The following VPS26C variants were observed in gnomAD, a reference collection of about 807,000 sequenced individuals.
The protein encoded by VPS26C is vacuolar protein sorting-associated protein 26C.
Under a neutral mutation model 30.6 loss-of-function variants are expected in VPS26C, and 19 were observed. That is an observed-to-expected ratio of 0.62 (90% confidence interval 0.43 to 0.91). VPS26C has a LOEUF of 0.91. Among genes scored for constraint, VPS26C ranks in the 40% least tolerant of loss-of-function variants. VPS26C has a pLI of 0.00. For missense variants in VPS26C, 318 were observed against 385.1 expected (o/e 0.83, Z 1.46); for synonymous variants, 132 against 151.5 (o/e 0.87, Z 0.95).
At chr21:37,250,530 A>G (rs563883832) in intron 1 of VPS26C, among the ~76,000 whole-genome samples, 19 of 152,320 alleles carry the variant, frequency 1.2e-4, no homozygotes, top group African/African-American at 4.3e-4. Flanking sequence ...TAAATGATAA[A>G]CTAGGTAAAA....
intron 3 of VPS26C, among the ~76,000 whole-genome samples, chr21:37,236,980 G>A (rs964322687): frequency 4.7e-4 from 71 of 152,214 alleles, no homozygotes; most frequent in Middle Eastern, 3.4e-3. Flanking sequence ...GAGATCTTGC[G>A]TTGTTGCCCA....
chr21:37,228,203 C>T lies in VPS26C; in HGVS notation c.658+20G>A, dbSNP rs1363778006. 6 of 1,606,646 alleles carry T rather than the reference C, an allele frequency of 3.7e-6. No individual in the cohort carries two copies. The Admixed American group carries it at 5.0e-5, about 13-fold the overall frequency. The stretch of plus-strand genomic sequence containing the variant: ...TCGAGGGGGACAGGCAAGCGCCAGG[C>T]CTGGTGGCACGGCCCTCACCGCACG... On this transcript the variant is annotated intron_variant, in intron 6 of 7. Coordinates refer to ENST00000309117, the MANE Select transcript of VPS26C (RefSeq NM_006052.2).
At chr21:37,234,293 A>C (rs1218480712) in intron 3 of VPS26C, among the ~76,000 whole-genome samples, 1 of 152,222 alleles carries the variant, frequency 6.6e-6, no homozygotes, top group Non-Finnish European at 1.5e-5. Flanking sequence ...GTTGGAAAAC[A>C]ATGTAGCATC....
At chr21:37,266,552 A>T (rs548161798) in intron 1 of VPS26C, among the ~76,000 whole-genome samples, 1 of 152,256 alleles carries the variant, frequency 6.6e-6, no homozygotes, top group East Asian at 1.9e-4. Context: ...AGTTAGAGGA[A>T]CCTTACAACA....
intron 1 of VPS26C, among the ~76,000 whole-genome samples, chr21:37,260,260 G>A (rs60116950): frequency 0.021 from 3,245 of 152,302 alleles, 114 homozygotes; most frequent in African/African-American, 0.074. Flanking sequence ...AGTCTACCTA[G>A]TTATAAAACA....
chr21:37,259,679 C>T (rs1265356471), intron 1 of VPS26C, among the ~76,000 whole-genome samples: 1 of 152,150 alleles, frequency 6.6e-6, no homozygotes, highest in Non-Finnish European at 1.5e-5. Flanking sequence ...GTTGCAGCAA[C>T]ACCAAAATCA....
chr21:37,250,951 G>GA (rs373177762), intron 1 of VPS26C, among the ~76,000 whole-genome samples: 73 of 127,542 alleles, frequency 5.7e-4, no homozygotes, highest in East Asian at 1.8e-3. Context: ...GAAGAAAAAT[G>GA]AAAAAAAAAA....
intron 1 of VPS26C, among the ~76,000 whole-genome samples, chr21:37,259,527 A>G (rs563536230): frequency 6.6e-6 from 1 of 152,368 alleles, no homozygotes; most frequent in South Asian, 2.1e-4. Flanking sequence ...CAAATGAATT[A>G]TATTTACACT....
chr21:37,268,044 G>GA (rs1231313783), upstream of VPS26C: 1 of 152,284 alleles, frequency 6.6e-6, no homozygotes, highest in Admixed American at 6.5e-5. Flanking sequence ...AAGGTCTCGG[G>GA]AAGCGCCGGG....
At chr21:37,234,926 T>A (rs2086004150) in intron 3 of VPS26C, among the ~76,000 whole-genome samples, 1 of 152,010 alleles carries the variant, frequency 6.6e-6, no homozygotes, top group Non-Finnish European at 1.5e-5. Flanking sequence ...CACTGCAACC[T>A]CCACCTCCTG....
At chr21:37,265,211 T>A (rs902282259) in intron 1 of VPS26C, among the ~76,000 whole-genome samples, 3 of 152,216 alleles carry the variant, frequency 2.0e-5, no homozygotes, top group African/African-American at 7.2e-5. Context: ...ATCGTGGTGA[T>A]GGGTGTGCAA....
chr21:37,264,295 T>G (rs748137610), intron 1 of VPS26C, among the ~76,000 whole-genome samples: 1 of 152,214 alleles, frequency 6.6e-6, no homozygotes, highest in Non-Finnish European at 1.5e-5. Flanking sequence ...GAAGCTGCCT[T>G]CAGCCATCAA....
chr21:37,247,572 A>T (rs2086149826), intron 1 of VPS26C, among the ~76,000 whole-genome samples: 2 of 152,142 alleles, frequency 1.3e-5, no homozygotes, highest in Admixed American at 1.3e-4. Flanking sequence ...ATTCCCCCCA[A>T]CCAAGCAGGA....
chr21:37,261,256 G>A (rs1286196981), intron 1 of VPS26C: 2 of 152,176 alleles, frequency 1.3e-5, no homozygotes, highest in East Asian at 1.9e-4. Flanking sequence ...TTCCTTCGCT[G>A]TGTAGAAGTT....
rs2085903703 is a variant in VPS26C at position 37,226,748 on chromosome 21, T to C, written c.811+906A>G. ...GCATTTGAGGTCACTCGCACGGAAT[T>C]GGAGGGGAACACACAGAGGTGCTGC... is the stretch of plus-strand genomic sequence containing the variant. On this transcript the variant is annotated intron_variant, in intron 7 of 7. Transcript: ENST00000309117. This position sits in a 1 kb window ranked among gnomAD's most constrained non-coding sequence, Gnocchi z 4.1. 6.6e-6 allele frequency: 1 copy of C among 152,154 alleles called. No individual in the cohort carries two copies. Among genetic ancestry groups the C allele is most frequent in the South Asian group, 2.1e-4 (1 of 4,832 alleles). The allele number at this position is 152,154 out of a possible 1,614,324, so 9.4% of individuals were successfully genotyped here. A position where few individuals can be genotyped will look rare whatever the true frequency, so the allele number is the denominator to read the frequency against.
intron 1 of VPS26C, among the ~76,000 whole-genome samples, chr21:37,266,594 AAGG>A (rs1259138552): frequency 1.3e-5 from 2 of 152,240 alleles, no homozygotes; most frequent in African/African-American, 2.4e-5. Flanking sequence ...ACTGAGGCCC[AAGG>A]AGGTTAAATG....
chr21:37,235,855 A>G (rs1221335019), intron 3 of VPS26C, among the ~76,000 whole-genome samples: 4 of 28,180 alleles, frequency 1.4e-4, no homozygotes, highest in African/African-American at 4.8e-4. Flanking sequence ...GTGTGTGTAT[A>G]TATATATATA....
intron 6 of VPS26C, 142 bp downstream of exon 6, chr21:37,228,081 C>T: frequency 7.8e-7 from 1 of 1,279,942 alleles, no homozygotes; most frequent in Non-Finnish European, 1.1e-6. Context: ...TCAAACCACC[C>T]TCCCACCTCA....
chr21:37,255,043 A>G (rs1265426344), intron 1 of VPS26C, among the ~76,000 whole-genome samples: 7 of 152,190 alleles, frequency 4.6e-5, no homozygotes, highest in Non-Finnish European at 1.0e-4. Flanking sequence ...GGCAGAAGAC[A>G]TTCTTTTGTA....
Sources: allele counts gnomAD v4.1 joint callset (sites outside exome capture counted in the v4.1 genomes callset), GRCh38; gene constraint gnomAD v4.1.1; non-coding constraint Gnocchi (gnomAD v3.1); transcripts MANE v1.5; gene names NCBI Gene and HGNC (gene_info 2026-07-23, HGNC 2026-07-21).